TMEM144: variants seen among roughly 807,000 people sequenced by gnomAD.
TMEM144 encodes the protein transmembrane protein 144.
Under a neutral mutation model 43.6 loss-of-function variants are expected in TMEM144, and 39 were observed. That is an observed-to-expected ratio of 0.90 (90% confidence interval 0.69 to 1.17). The LOEUF (loss-of-function observed/expected upper bound fraction) is 1.17. Among genes scored for constraint, TMEM144 ranks in the 50% most tolerant of loss-of-function variants. TMEM144 has a pLI of 0.00. For missense variants in TMEM144, 417 were observed against 411.9 expected (o/e 1.01, Z -0.11); for synonymous variants, 154 against 133.6 (o/e 1.15, Z -1.06).
chr4:158,216,759 A>T (rs1022108428), intron 4 of TMEM144, among the ~76,000 whole-genome samples: 1 of 152,024 alleles, frequency 6.6e-6, no homozygotes, highest in Non-Finnish European at 1.5e-5. Context: ...ACAGGAGGAG[A>T]CTCAAGAGAT....
intron 6 of TMEM144, among the ~76,000 whole-genome samples, chr4:158,232,569 T>G (rs1441678414): frequency 3.3e-5 from 5 of 152,246 alleles, no homozygotes; most frequent in Admixed American, 3.3e-4. Context: ...ACTTTTGAAG[T>G]TGGTCGATAT....
chr4:158,224,440 T>C (rs1426251229), intron 6 of TMEM144, among the ~76,000 whole-genome samples: 3 of 152,190 alleles, frequency 2.0e-5, no homozygotes, highest in African/African-American at 7.2e-5. Flanking sequence ...AGATCTTTAA[T>C]CTTATTTTAA....
intron 6 of TMEM144, 147 bp from the exon 7 acceptor site, chr4:158,232,754 G>A (rs904955686): frequency 1.7e-6 from 1 of 585,568 alleles, no homozygotes; most frequent in African/African-American, 1.9e-5. Flanking sequence ...TGGCAAAACG[G>A]CAGGACCACT....
In TMEM144 at chr4:158,228,438, C is replaced by T. The variant is rs549221533; in HGVS notation, c.414-4463C>T. Among the ~76,000 whole-genome samples, 3 of 152,356 alleles carry T rather than the reference C, an allele frequency of 2.0e-5. No homozygotes were observed. In the South Asian group the frequency reaches 6.2e-4, roughly 32 times the overall value. The stretch of plus-strand genomic sequence containing the variant: ...GCACGCCATGGGTGATCAGGCCACG[C>T]TTCCACTCAAATGGATGGAGTAGGC... On this transcript the variant is annotated intron_variant, in intron 6 of 12. Transcript: ENST00000296529.
At chr4:158,221,732 A>G (rs981305828) in intron 6 of TMEM144, among the ~76,000 whole-genome samples, 2 of 152,154 alleles carry the variant, frequency 1.3e-5, no homozygotes, top group African/African-American at 2.4e-5. Flanking sequence ...GGAAACCCAA[A>G]TCATGGTTTC....
chr4:158,212,824 A>G, intron 3 of TMEM144, 48 bp downstream of exon 3: 1 of 1,458,400 alleles, frequency 6.9e-7, no homozygotes. Context: ...TTTAAAAATG[A>G]AGTTCCTTTT....
In TMEM144 at chr4:158,254,333, T is replaced by C. The variant is rs1579167443; in HGVS notation, c.*806T>C. The stretch of plus-strand genomic sequence containing the variant: ...CTTTTGAATGTACAACTTTTTTTTC[T>C]GAAATACACTTTTCTAAAACCCTCT... On this transcript the variant is annotated 3_prime_UTR_variant, in exon 13 of 13. Transcript: ENST00000296529. The C allele has an allele frequency of 6.6e-6, 1 of 152,264 alleles. No individual in the cohort carries two copies. Among genetic ancestry groups the C allele is most frequent in the Non-Finnish European group, 1.5e-5 (1 of 68,024 alleles). 9.4% of individuals were successfully genotyped at this position (152,264 alleles called of 1,614,324 possible). A position where few individuals can be genotyped will look rare whatever the true frequency, so the allele number is the denominator to read the frequency against.
chr4:158,211,041 A>T (rs1236229416), intron 1 of TMEM144: 1 of 152,230 alleles, frequency 6.6e-6, no homozygotes, highest in Non-Finnish European at 1.5e-5. Flanking sequence ...TGCTGGATGG[A>T]GTGATACTGC....
chr4:158,230,052 T>G (rs1022481605), intron 6 of TMEM144, among the ~76,000 whole-genome samples: 2 of 152,242 alleles, frequency 1.3e-5, no homozygotes, highest in African/African-American at 2.4e-5. Flanking sequence ...CTGAGGCAGA[T>G]TCCAGCGGAG....
chr4:158,226,627 GT>G, intron 6 of TMEM144, among the ~76,000 whole-genome samples: 1 of 151,938 alleles, frequency 6.6e-6, no homozygotes. Flanking sequence ...CACATAAACT[GT>G]TTTGTTTTGT....
chr4:158,241,596 T>C lies in TMEM144; in HGVS notation c.890T>C (p.Ile297Thr). 6.2e-7 allele frequency: 1 copy of C among 1,613,764 alleles called. No homozygotes were observed. Among genetic ancestry groups the C allele is most frequent in the African/African-American group, 1.3e-5 (1 of 75,050 alleles). ...HSLSAVVSFP[I>T]ITAGPGFIAA... ...CTGAGTGCTGTGGTCAGTTTTCCAA[T>C]AATCACTGCTGTAAGTAGCTGAACT... Residue 297 changes from isoleucine (I) to threonine (T), a missense_variant, in exon 11 of 13, where the codon ATA (isoleucine) becomes ACA (threonine). Ile to Thr is a moderately conservative substitution (Grantham distance 89). Coordinates refer to ENST00000296529, the MANE Select transcript of TMEM144 (RefSeq NM_018342.5).
intron 6 of TMEM144, among the ~76,000 whole-genome samples, chr4:158,221,053 T>C (rs1376786793): frequency 1.3e-5 from 2 of 152,228 alleles, no homozygotes; most frequent in Non-Finnish European, 2.9e-5. Flanking sequence ...GATATTGCTT[T>C]TCTTTTTAAA....
chr4:158,218,305 C>T (rs1309204082), intron 5 of TMEM144, among the ~76,000 whole-genome samples: 2 of 152,038 alleles, frequency 1.3e-5, no homozygotes, highest in Non-Finnish European at 1.5e-5. Context: ...CAGACTGGTG[C>T]CCTTGGTCAG....
chr4:158,240,729 CATT>C, intron 10 of TMEM144, among the ~76,000 whole-genome samples: 1 of 152,296 alleles, frequency 6.6e-6, no homozygotes, highest in East Asian at 1.9e-4. Flanking sequence ...TATTGATCAT[CATT>C]CTTTACTATT....
chr4:158,212,464 C>A, intron 2 of TMEM144, 144 bp from the exon 3 acceptor site: 1 of 387,854 alleles, frequency 2.6e-6, no homozygotes, highest in Non-Finnish European at 4.6e-6. Flanking sequence ...ACATGAAGTA[C>A]AAACATTATA....
rs781766998 is a variant in TMEM144 at position 158,217,419 on chromosome 4, A to G, written c.331A>G (p.Arg111Gly). 20 of 1,608,214 alleles carry G rather than the reference A, an allele frequency of 1.2e-5. No individual in the cohort carries two copies. Among genetic ancestry groups the G allele is most frequent in the Non-Finnish European group, 2.6e-6 (3 of 1,175,146 alleles). Residue 111 changes from arginine to glycine, a missense_variant and splice_region_variant, in exon 5 of 13, where the codon AGG becomes GGG. Physicochemically the swap from Arg to Gly is moderately radical, Grantham distance 125. Coordinates refer to ENST00000296529, the MANE Select transcript of TMEM144 (RefSeq NM_018342.5). ...FNALTGWASSRFGWFGLDAEE... is the reference protein window; with the variant it reads ...FNALTGWASSGFGWFGLDAEE... ...TGCCTTAACTGGCTGGGCAAGCTCAAGGTAATTCAAGTCAAACTAGTTCAA... is the reference window on the plus strand; with the variant it reads ...TGCCTTAACTGGCTGGGCAAGCTCAGGGTAATTCAAGTCAAACTAGTTCAA...
At chr4:158,247,972 C>A (rs1735977254) in intron 12 of TMEM144, among the ~76,000 whole-genome samples, 1 of 150,538 alleles carries the variant, frequency 6.6e-6, no homozygotes, top group Non-Finnish European at 1.5e-5. Flanking sequence ...CTGAAATGTG[C>A]AATTTAGATT....
intron 7 of TMEM144, chr4:158,234,235 A>C (rs1038863103): frequency 2.0e-5 from 3 of 152,324 alleles, no homozygotes; most frequent in Middle Eastern, 3.4e-3. Flanking sequence ...TATAACATCA[A>C]GAACACTTCA....
chr4:158,238,733 C>G (rs936509953), intron 9 of TMEM144, among the ~76,000 whole-genome samples: 1 of 152,136 alleles, frequency 6.6e-6, no homozygotes, highest in Non-Finnish European at 1.5e-5. Context: ...GAAATCAGAT[C>G]AGTCTCATGA....
Sources: gnomAD v4.1 joint callset for allele counts (sites outside exome capture counted in the v4.1 genomes callset) on GRCh38, gnomAD v4.1.1 for gene constraint, MANE v1.5 for transcripts, NCBI Gene and HGNC (gene_info 2026-07-23, HGNC 2026-07-21) for gene names.